Variants in BCKDHB observed in about 807,000 individuals in gnomAD.
BCKDHB encodes the protein 2-oxoisovalerate dehydrogenase subunit beta, mitochondrial.
BCKDHB carries 41 observed loss-of-function variants against 48.5 expected under a neutral mutation model. That is an observed-to-expected ratio of 0.85 (90% CI 0.66 to 1.10). BCKDHB has a LOEUF of 1.10. BCKDHB is among the 50% of genes least tolerant of loss of function. The probability of loss-of-function intolerance (pLI) is 0.00; values close to 1 mark genes in which losing one functional copy is unlikely to be tolerated. For missense variants in BCKDHB, 496 were observed against 494.2 expected (o/e 1.00, Z -0.03); for synonymous variants, 201 against 174.8 (o/e 1.15, Z -1.18).
intron 3 of BCKDHB, among the ~76,000 whole-genome samples, chr6:80,154,172 A>G (rs1484699146): frequency 2.6e-5 from 4 of 152,074 alleles, no homozygotes; most frequent in African/African-American, 7.2e-5. Context: ...TTTGTATGTC[A>G]TTTTCTTACA....
chr6:80,425,935 G>A, the BCKDHB span, among the ~76,000 whole-genome samples: 1 of 152,152 alleles, frequency 6.6e-6, no homozygotes, highest in Non-Finnish European at 1.5e-5. Context: ...AACCAAAACT[G>A]ACTTTTATGT....
chr6:80,291,999 A>G (rs1012187955), intron 9 of BCKDHB, among the ~76,000 whole-genome samples: 2 of 152,166 alleles, frequency 1.3e-5, no homozygotes, highest in African/African-American at 4.8e-5. Context: ...GAGCCCTGCC[A>G]TGGGTTTGTA....
At chr6:80,188,703 C>A (rs59460144) in intron 6 of BCKDHB, among the ~76,000 whole-genome samples, 16,323 of 152,096 alleles carry the variant, frequency 0.11, 1,465 homozygotes, top group South Asian at 0.23. Flanking sequence ...ATGCTTATTA[C>A]CTGGGTGATG....
intron 1 of BCKDHB, among the ~76,000 whole-genome samples, chr6:80,119,615 G>T (rs990412675): frequency 2.6e-5 from 4 of 152,128 alleles, no homozygotes; most frequent in Non-Finnish European, 5.9e-5. Flanking sequence ...GAGCCATCAC[G>T]CCTGGCCAAT....
At chr6:80,267,434 T>C (rs1777560041) in intron 8 of BCKDHB, among the ~76,000 whole-genome samples, 1 of 152,028 alleles carries the variant, frequency 6.6e-6, no homozygotes, top group Non-Finnish European at 1.5e-5. Flanking sequence ...TGGGGTTTAA[T>C]ATAAGGGAAA....
intron 3 of BCKDHB, among the ~76,000 whole-genome samples, chr6:80,146,096 A>G (rs1233139025): frequency 9.2e-5 from 14 of 152,042 alleles, no homozygotes; most frequent in Admixed American, 9.2e-4. Flanking sequence ...TGCCAGTCTC[A>G]CCCCAGAGAT....
chr6:80,198,848 A>G (rs1229352476), intron 6 of BCKDHB, among the ~76,000 whole-genome samples: 1 of 152,214 alleles, frequency 6.6e-6, no homozygotes, highest in African/African-American at 2.4e-5. Context: ...AATTTATTGA[A>G]GGATAATAAA....
At chr6:80,371,893 A>G in the BCKDHB span, among the ~76,000 whole-genome samples, 3 of 152,152 alleles carry the variant, frequency 2.0e-5, no homozygotes, top group East Asian at 1.9e-4. Flanking sequence ...ACCTTATAGT[A>G]TAGTTTGAAG....
At position 80,198,746 on chromosome 6, in the gene BCKDHB, G is replaced by A. The variant is rs890379378; in HGVS notation, c.743-2188G>A. Among the ~76,000 whole-genome samples, 4 of 152,232 alleles carry A rather than the reference G, an allele frequency of 2.6e-5. No individual in the cohort carries two copies. The East Asian group carries it at 5.8e-4, about 22-fold the overall frequency. The stretch of plus-strand genomic sequence containing the variant: ...TGAAAAGAAAAAATATTATATATGC[G>A]TACACTAACATACGGTAAATATCTG... On this transcript the variant is annotated intron_variant, in intron 6 of 9. Transcript: ENST00000320393.
the BCKDHB span, among the ~76,000 whole-genome samples, chr6:80,388,784 T>A: frequency 2.0e-5 from 3 of 152,184 alleles, no homozygotes; most frequent in Admixed American, 6.5e-5. Context: ...CTGCACGATA[T>A]GCAGGCACCA....
chr6:80,370,011 T>C, the BCKDHB span, among the ~76,000 whole-genome samples: 1 of 152,200 alleles, frequency 6.6e-6, no homozygotes, highest in African/African-American at 2.4e-5. Context: ...GTGACATTTC[T>C]TATGCAATAT....
intron 4 of BCKDHB, 84 bp from the exon 5 acceptor site, chr6:80,168,791 A>AAGGAAGGGAGGGAGGAAGGG (rs139630496): frequency 1.0e-6 from 1 of 999,482 alleles, no homozygotes; most frequent in Non-Finnish European, 1.5e-6. Flanking sequence ...GGAAGGAAGG[A>AAGGAAGGGAGGGAGGAAGGG]AGGGAGGGAG....
At chr6:80,168,150 G>T (rs1016483786) in intron 4 of BCKDHB, among the ~76,000 whole-genome samples, 4 of 151,886 alleles carry the variant, frequency 2.6e-5, no homozygotes, top group Non-Finnish European at 5.9e-5. Context: ...GCCCAGTGTG[G>T]TGGCACATAC....
chr6:80,313,523 G>C (rs772183232), intron 9 of BCKDHB, among the ~76,000 whole-genome samples: 2 of 151,998 alleles, frequency 1.3e-5, no homozygotes, highest in Non-Finnish European at 2.9e-5. Flanking sequence ...ACCATGCCTG[G>C]CTAATTTTTG....
the BCKDHB span, among the ~76,000 whole-genome samples, chr6:80,451,026 C>T: frequency 6.6e-6 from 1 of 151,946 alleles, no homozygotes; most frequent in Non-Finnish European, 1.5e-5. Context: ...AAAATAAAAC[C>T]TGGTTATTTT....
chr6:80,146,121 A>G (rs553708346), intron 3 of BCKDHB, among the ~76,000 whole-genome samples: 3 of 152,138 alleles, frequency 2.0e-5, no homozygotes, highest in Non-Finnish European at 4.4e-5. Flanking sequence ...AGTTACTGGT[A>G]TGGAATGTGG....
chr6:80,203,257 G>C, intron 8 of BCKDHB, 45 bp downstream of exon 8: 1 of 1,316,098 alleles, frequency 7.6e-7, no homozygotes, highest in South Asian at 1.2e-5. Context: ...TGAAACCTTT[G>C]GCCAAATATG....
chr6:80,148,968 A>G (rs1678929699), intron 3 of BCKDHB, among the ~76,000 whole-genome samples: 1 of 152,246 alleles, frequency 6.6e-6, no homozygotes, highest in Non-Finnish European at 1.5e-5. Flanking sequence ...AAATTGACAA[A>G]TGGGATCTAA....
At chr6:80,379,641 A>C in the BCKDHB span, among the ~76,000 whole-genome samples, 33 of 151,832 alleles carry the variant, frequency 2.2e-4, no homozygotes, top group Non-Finnish European at 2.8e-4. Context: ...AAATTAGAAA[A>C]GAGGGTGTCC....
Sources: gnomAD v4.1 joint callset for allele counts (sites outside exome capture counted in the v4.1 genomes callset) on GRCh38, gnomAD v4.1.1 for gene constraint, MANE v1.5 for transcripts, NCBI Gene and HGNC (gene_info 2026-07-23, HGNC 2026-07-21) for gene names.